NAALADL2: variants seen among roughly 807,000 people sequenced by gnomAD.
The protein encoded by NAALADL2 is N-acetylated alpha-linked acidic dipeptidase like 2.
In NAALADL2, 76 loss-of-function variants were observed where a neutral mutation model predicts 87.2. The ratio of observed to expected loss-of-function variants is 0.87; its 90% CI spans 0.72 to 1.05. The LOEUF (loss-of-function observed/expected upper bound fraction) is 1.05, where lower values mean the gene tolerates loss of function less well. Ranked by LOEUF, NAALADL2 falls within the 50% of genes least tolerant of loss-of-function variation. The pLI, the probability that NAALADL2 is intolerant of heterozygous loss-of-function variation, is 0.00. For missense variants in NAALADL2, 1,089 were observed against 945.8 expected (o/e 1.15, Z -1.99); for synonymous variants, 354 against 331.0 (o/e 1.07, Z -0.75).
intron 11 of NAALADL2, among the ~76,000 whole-genome samples, chr3:175,698,728 TA>T (rs574872569): frequency 4.6e-4 from 70 of 151,774 alleles, no homozygotes; most frequent in Non-Finnish European, 8.4e-4. Flanking sequence ...AAAGACATTA[TA>T]ACCATTTAGC....
intron 5 of NAALADL2, among the ~76,000 whole-genome samples, chr3:175,420,874 C>T (rs779154257): frequency 2.0e-5 from 3 of 151,910 alleles, no homozygotes; most frequent in African/African-American, 4.8e-5. Flanking sequence ...CAAATATTAC[C>T]ATTCTTTCCT....
chr3:174,923,521 G>A (rs1000076517), intron 1 of NAALADL2, among the ~76,000 whole-genome samples: 2 of 152,040 alleles, frequency 1.3e-5, no homozygotes, highest in African/African-American at 4.8e-5. Flanking sequence ...ATCCACTGAT[G>A]GATTTTTAAA....
intron 5 of NAALADL2, among the ~76,000 whole-genome samples, chr3:175,347,769 G>A (rs1043409323): frequency 3.3e-5 from 5 of 152,022 alleles, no homozygotes; most frequent in Non-Finnish European, 7.4e-5. Flanking sequence ...AAGTTCTGGG[G>A]TACATGTGCA....
At chr3:175,265,973 G>GGATAA (rs67380562) in intron 4 of NAALADL2, among the ~76,000 whole-genome samples, 1 of 35,672 alleles carries the variant, frequency 2.8e-5, no homozygotes, top group Non-Finnish European at 5.3e-5. Context: ...AACACTATTG[G>GGATAA]GTTTATAGAT....
intron 11 of NAALADL2, among the ~76,000 whole-genome samples, chr3:175,735,032 G>A (rs1376243022): frequency 6.6e-6 from 1 of 152,138 alleles, no homozygotes; most frequent in African/African-American, 2.4e-5. Flanking sequence ...TTTTAAAACT[G>A]AATGCCTTTA....
In NAALADL2 at chr3:174,765,145, A is replaced by C. The variant is rs1719777; in HGVS notation, c.-9+27399A>C. ...ACATACACACACACACACACACACG[A>C]GAGAGAGAGAGAGAGAGAGAGAGAG... On this transcript the variant is annotated intron_variant, in intron 3 of 3. Coordinates refer to the NAALADL2 transcript ENST00000434257. Among the ~76,000 whole-genome samples the C allele has an allele frequency of 3.4e-3, 490 of 142,372 alleles. 2 individuals carry two copies. Among genetic ancestry groups the C allele is most frequent in the African/African-American group, 0.011 (419 of 37,316 alleles). 93.4% of individuals were successfully genotyped at this position (142,372 alleles called of 152,430 possible). A position where few individuals can be genotyped will look rare whatever the true frequency, so the allele number is the denominator to read the frequency against.
intron 2 of NAALADL2, among the ~76,000 whole-genome samples, chr3:174,637,340 A>C (rs1722747055): frequency 6.6e-6 from 1 of 152,124 alleles, no homozygotes; most frequent in Admixed American, 6.5e-5. Flanking sequence ...AAATGTTCTC[A>C]TCACATATAA....
At chr3:174,949,219 C>A (rs1560401791) in intron 1 of NAALADL2, among the ~76,000 whole-genome samples, 1 of 152,178 alleles carries the variant, frequency 6.6e-6, no homozygotes, top group Non-Finnish European at 1.5e-5. Flanking sequence ...AACATTCAGG[C>A]CATAGCTCTT....
chr3:175,656,348 G>A (rs879341502), intron 11 of NAALADL2, among the ~76,000 whole-genome samples: 19 of 152,062 alleles, frequency 1.2e-4, no homozygotes, highest in Admixed American at 1.0e-3. Context: ...TCTTTCAGTT[G>A]AAATGAGAGA....
At chr3:174,610,415 A>G (rs891428407) in intron 2 of NAALADL2, among the ~76,000 whole-genome samples, 7 of 151,778 alleles carry the variant, frequency 4.6e-5, no homozygotes, top group Admixed American at 1.3e-4. Context: ...CAACCTACTC[A>G]TCTGACAAAG....
At chr3:175,487,250 T>C (rs760360484) in intron 9 of NAALADL2, among the ~76,000 whole-genome samples, 1 of 152,150 alleles carries the variant, frequency 6.6e-6, no homozygotes, top group Non-Finnish European at 1.5e-5. Context: ...ACCCAAGCAC[T>C]ACCAAATCCC....
chr3:175,500,910 G>A (rs1729460280), intron 9 of NAALADL2, among the ~76,000 whole-genome samples: 1 of 152,076 alleles, frequency 6.6e-6, no homozygotes, highest in Non-Finnish European at 1.5e-5. Flanking sequence ...ACAGTGAGTG[G>A]CTTTGAATGA....
chr3:175,049,191 G>A (rs1373737630), intron 1 of NAALADL2, among the ~76,000 whole-genome samples: 1 of 152,022 alleles, frequency 6.6e-6, no homozygotes, highest in Non-Finnish European at 1.5e-5. Flanking sequence ...TGATGATTTA[G>A]TATTGGAACA....
chr3:175,333,597 A>G (rs1464827426), intron 5 of NAALADL2, among the ~76,000 whole-genome samples: 2 of 152,166 alleles, frequency 1.3e-5, no homozygotes, highest in Non-Finnish European at 2.9e-5. Flanking sequence ...GTTCTTACTC[A>G]TATGTAGGAG....
At chr3:174,639,056 T>G (rs1383228811) in intron 2 of NAALADL2, among the ~76,000 whole-genome samples, 1 of 152,188 alleles carries the variant, frequency 6.6e-6, no homozygotes, top group African/African-American at 2.4e-5. Context: ...TTGCTCTTTT[T>G]GTCATCTCTT....
intron 9 of NAALADL2, among the ~76,000 whole-genome samples, chr3:175,553,301 A>G (rs1263979894): frequency 2.6e-5 from 4 of 152,144 alleles, no homozygotes; most frequent in Admixed American, 2.0e-4. Flanking sequence ...AATTAGGGTA[A>G]TTTGGGTTTG....
At chr3:175,179,213 A>G (rs2108973432) in intron 2 of NAALADL2, among the ~76,000 whole-genome samples, 1 of 152,128 alleles carries the variant, frequency 6.6e-6, no homozygotes, top group African/African-American at 2.4e-5. Flanking sequence ...TTTGCACATG[A>G]GTTACTGCTA....
intron 9 of NAALADL2, among the ~76,000 whole-genome samples, chr3:175,549,448 C>G (rs1026685267): frequency 4.6e-5 from 7 of 151,902 alleles, no homozygotes; most frequent in African/African-American, 1.7e-4. Flanking sequence ...TCTAATCACA[C>G]ATTTGAACTT....
chr3:175,000,731 G>A (rs1286769239), intron 1 of NAALADL2, among the ~76,000 whole-genome samples: 3 of 152,098 alleles, frequency 2.0e-5, no homozygotes, highest in Non-Finnish European at 1.5e-5. Flanking sequence ...TATTTTATAA[G>A]AACTGTGCAT....
Sources: allele counts gnomAD v4.1 joint callset (sites outside exome capture counted in the v4.1 genomes callset), GRCh38; gene constraint gnomAD v4.1.1; transcripts MANE v1.5; gene names NCBI Gene and HGNC (gene_info 2026-07-23, HGNC 2026-07-21).